The following SIPA1L3 variants were observed in gnomAD, a reference collection of about 807,000 sequenced individuals.
SIPA1L3 encodes signal induced proliferation associated 1 like 3.
A neutral mutation model predicts 150.1 loss-of-function variants in SIPA1L3; 59 were observed. The observed-to-expected ratio is 0.39, with a 90% CI of 0.32 to 0.49. The LOEUF (loss-of-function observed/expected upper bound fraction) is 0.49. SIPA1L3 is among the 20% of genes least tolerant of loss of function. The probability of loss-of-function intolerance (pLI) is 0.86; values close to 1 mark genes in which losing one functional copy is unlikely to be tolerated. For synonymous variants in SIPA1L3, 1,070 were observed against 1,077.6 expected (o/e 0.99, Z 0.14); for missense variants, 2,211 against 2,489.5 (o/e 0.89, Z 2.38).
At chr19:38,083,497 A>G (rs1397945928) in intron 3 of SIPA1L3, among the ~76,000 whole-genome samples, 1 of 152,132 alleles carries the variant, frequency 6.6e-6, no homozygotes, top group African/African-American at 2.4e-5. Context: ...TACGAAAAAT[A>G]CACAAGGGAT....
At chr19:37,988,737 G>T (rs1036482571) in intron 1 of SIPA1L3, among the ~76,000 whole-genome samples, 1 of 152,172 alleles carries the variant, frequency 6.6e-6, no homozygotes, top group African/African-American at 2.4e-5. Flanking sequence ...AGTGTCTTTT[G>T]TGTGGCCCAC....
At chr19:38,041,176 G>T (rs1599943329) in intron 2 of SIPA1L3, among the ~76,000 whole-genome samples, 1 of 130,990 alleles carries the variant, frequency 7.6e-6, no homozygotes, top group Non-Finnish European at 1.6e-5. Flanking sequence ...GCTCGATTTT[G>T]TCTCATTGCA....
At chr19:37,924,678 A>T in intron 1 of SIPA1L3, among the ~76,000 whole-genome samples, 1 of 131,834 alleles carries the variant, frequency 7.6e-6, no homozygotes, top group African/African-American at 3.2e-5. Flanking sequence ...ACTCTATCTC[A>T]AAAAAAAAAA....
At chr19:38,141,641 T>G (rs967823696) in intron 11 of SIPA1L3, among the ~76,000 whole-genome samples, 1 of 152,158 alleles carries the variant, frequency 6.6e-6, no homozygotes, top group African/African-American at 2.4e-5. Flanking sequence ...GACCCAGTGC[T>G]GGGGAGCTCT....
chr19:38,082,494 C>A lies in SIPA1L3; in HGVS notation c.929C>A (p.Pro310His). ...SIFRKLRSSK[P>H]EGEAGRSPGE... Reference sequence around the variant, plus strand: ...TTTCGGAAGCTAAGGAGCAGCAAACCCGAGGGGGAGGCTGGGCGTTCCCCG... The same window carrying A: ...TTTCGGAAGCTAAGGAGCAGCAAACACGAGGGGGAGGCTGGGCGTTCCCCG... The change falls in exon 3 of 22, where the codon CCC becomes CAC. Residue 310 changes from proline to histidine, a missense_variant. Around this residue, in one of 5 missense-constraint regions of SIPA1L3, gnomAD observed 587 missense variants for 534.5 expected, o/e 1.10. Transcript: ENST00000222345. 1 of 1,594,890 alleles carries A rather than the reference C, an allele frequency of 6.3e-7. No individual in the cohort carries two copies. Among genetic ancestry groups the A allele is most frequent in the Non-Finnish European group, 8.5e-7 (1 of 1,170,246 alleles).
intron 6 of SIPA1L3, among the ~76,000 whole-genome samples, chr19:38,103,711 C>T (rs1369880929): frequency 6.6e-6 from 1 of 150,846 alleles, no homozygotes; most frequent in East Asian, 1.9e-4. Flanking sequence ...ATCATGAGGT[C>T]AGGAGATCGA....
chr19:37,955,424 GT>G (rs201703133), intron 1 of SIPA1L3, among the ~76,000 whole-genome samples: 2,200 of 151,342 alleles, frequency 0.015, 62 homozygotes, highest in African/African-American at 0.051. Context: ...CAATTCAGCT[GT>G]TTTTGGTAAA....
chr19:38,039,251 C>A (rs978147482), intron 2 of SIPA1L3, among the ~76,000 whole-genome samples: 42 of 152,026 alleles, frequency 2.8e-4, no homozygotes, highest in African/African-American at 9.7e-4. Flanking sequence ...CCCATAATGC[C>A]CCAAGATAAT....
In SIPA1L3 at chr19:38,000,934, C is replaced by CATATATAA. The variant is rs1342918499; in HGVS notation, c.-378-28154_-378-28147dup. 2.6e-3 allele frequency among the ~76,000 whole-genome samples: 330 copies of CATATATAA among 126,238 alleles called. 1 individual carries two copies. Among genetic ancestry groups the CATATATAA allele is most frequent in the Non-Finnish European group, 4.2e-3 (260 of 62,392 alleles). 82.8% of individuals were successfully genotyped at this position (126,238 alleles called of 152,430 possible). On this transcript the variant is annotated intron_variant, in intron 1 of 21. Coordinates refer to ENST00000222345, the MANE Select transcript of SIPA1L3 (RefSeq NM_015073.3). ...TAACATATATATAACATATATATAA[C>CATATATAA]ATATATAACATATAACACACATATA...
At chr19:38,057,340 G>A (rs562722210) in intron 2 of SIPA1L3, among the ~76,000 whole-genome samples, 9 of 149,606 alleles carry the variant, frequency 6.0e-5, no homozygotes, top group African/African-American at 1.2e-4. Flanking sequence ...ACACACACAC[G>A]TATATATATA....
intron 19 of SIPA1L3, among the ~76,000 whole-genome samples, 177 bp downstream of exon 19, chr19:38,198,709 C>G (rs969727228): frequency 1.3e-5 from 2 of 152,248 alleles, no homozygotes; most frequent in African/African-American, 4.8e-5. Flanking sequence ...GCGTCGTCAT[C>G]TCTTTGATGC....
chr19:37,960,316 C>A (rs1599842692), intron 1 of SIPA1L3, among the ~76,000 whole-genome samples: 1 of 151,942 alleles, frequency 6.6e-6, no homozygotes, highest in African/African-American at 2.4e-5. Flanking sequence ...CACTGAACTG[C>A]AGCCTCAACC....
chr19:38,115,592 T>C (rs186500515), intron 8 of SIPA1L3, among the ~76,000 whole-genome samples: 101 of 152,240 alleles, frequency 6.6e-4, no homozygotes, highest in Admixed American at 3.7e-3. Context: ...GGCCTCCTGC[T>C]CCTTGCCTTC....
At chr19:38,204,941 G>A (rs1264898007) in intron 21 of SIPA1L3, among the ~76,000 whole-genome samples, 18 of 152,154 alleles carry the variant, frequency 1.2e-4, no homozygotes, top group Admixed American at 1.2e-3. Context: ...AAATTATAGG[G>A]TGTCCATGCA....
In SIPA1L3 at chr19:38,001,471, G is replaced by C. The variant is rs569054392; in HGVS notation, c.-378-27618G>C. Among the ~76,000 whole-genome samples the C allele has an allele frequency of 1.6e-4, 24 of 152,264 alleles. No homozygotes were observed. In the South Asian group the frequency reaches 5.0e-3, roughly 32 times the overall value. The stretch of plus-strand genomic sequence containing the variant: ...GACAGGGTCTTGCCCTGTTGCCCAG[G>C]CTGGAGTGCAGTGGGAACAATCATA... On this transcript the variant is annotated intron_variant, in intron 1 of 21. Coordinates refer to ENST00000222345, the MANE Select transcript of SIPA1L3 (RefSeq NM_015073.3).
Position 38,114,411 on chromosome 19 carries a change from G to A in SIPA1L3, c.2291+4027G>A, listed in dbSNP as rs976968614. On this transcript the variant is annotated intron_variant, in intron 8 of 21. Transcript: ENST00000222345. ...GCACTCCAGCCTGGGCGACAAGAGC[G>A]AAACTCTTGTCTCAAAAAAAAAAAA... 8.2e-5 allele frequency among the ~76,000 whole-genome samples: 11 copies of A among 134,612 alleles called. No homozygotes were observed. In the East Asian group the frequency reaches 1.5e-3, roughly 19 times the overall value. 88.3% of individuals were successfully genotyped at this position (134,612 alleles called of 152,430 possible). A position where few individuals can be genotyped will look rare whatever the true frequency, so the allele number is the denominator to read the frequency against.
intron 1 of SIPA1L3, among the ~76,000 whole-genome samples, chr19:37,994,736 C>T (rs764066098): frequency 4.6e-5 from 7 of 152,186 alleles, no homozygotes; most frequent in Non-Finnish European, 2.9e-5. Context: ...GTGCCAAGCA[C>T]TTCCCATGCT....
chr19:38,135,246 C>T (rs1971408488), intron 10 of SIPA1L3, among the ~76,000 whole-genome samples: 1 of 152,170 alleles, frequency 6.6e-6, no homozygotes, highest in Non-Finnish European at 1.5e-5. Flanking sequence ...CAGTTCTGGG[C>T]AGGCCTAAAC....
chr19:37,932,798 C>G (rs1758419644), intron 1 of SIPA1L3: 1 of 152,104 alleles, frequency 6.6e-6, no homozygotes, highest in Non-Finnish European at 1.5e-5. Flanking sequence ...TCTTTTTTTC[C>G]CCCCTCTTCT....
Sources: allele counts gnomAD v4.1 joint callset (sites outside exome capture counted in the v4.1 genomes callset), GRCh38; gene constraint gnomAD v4.1.1; regional missense constraint gnomAD v4.1.1; transcripts MANE v1.5; gene names NCBI Gene and HGNC (gene_info 2026-07-23, HGNC 2026-07-21).